The following DCLK2 variants were observed in gnomAD, a reference collection of about 807,000 sequenced individuals.
DCLK2 encodes serine/threonine-protein kinase DCLK2.
DCLK2 carries 31 observed loss-of-function variants against 78.4 expected under a neutral mutation model. The observed-to-expected ratio is 0.40, with a 90% CI of 0.30 to 0.53. DCLK2 has a LOEUF of 0.53. Among genes scored for constraint, DCLK2 ranks in the 20% least tolerant of loss-of-function variants. DCLK2 has a pLI of 0.61. For missense variants in DCLK2, 872 were observed against 973.7 expected (o/e 0.90, Z 1.39); for synonymous variants, 407 against 374.9 (o/e 1.09, Z -0.99).
chr4:150,185,670 C>T (rs1267781967), intron 2 of DCLK2, among the ~76,000 whole-genome samples: 1 of 149,890 alleles, frequency 6.7e-6, no homozygotes, highest in Non-Finnish European at 1.5e-5. Context: ...GCTGAGATAG[C>T]GTCATTGTAC....
chr4:150,187,725 G>T (rs1038312175), intron 2 of DCLK2, among the ~76,000 whole-genome samples: 16 of 152,164 alleles, frequency 1.1e-4, no homozygotes. Context: ...AATGGGTGGA[G>T]GCTGAAGTTG....
At chr4:150,133,921 GC>G (rs1733505903) in intron 2 of DCLK2, among the ~76,000 whole-genome samples, 1 of 152,100 alleles carries the variant, frequency 6.6e-6, no homozygotes. Context: ...AACTCATGTA[GC>G]CCCAAATATT....
At chr4:150,208,399 T>C (rs924344804) in intron 5 of DCLK2, among the ~76,000 whole-genome samples, 5 of 67,876 alleles carry the variant, frequency 7.4e-5, no homozygotes, top group East Asian at 2.9e-4. Flanking sequence ...TTTTTTTTTT[T>C]GTTTTTGTTT....
At chr4:150,254,643 C>CCAGGTAGTTGGA (rs1744432591) in intron 15 of DCLK2, among the ~76,000 whole-genome samples, 3 of 152,098 alleles carry the variant, frequency 2.0e-5, no homozygotes, top group African/African-American at 7.2e-5. Flanking sequence ...TACCCTTTCT[C>CCAGGTAGTTGGA]CAGGTAGTTG....
chr4:150,134,059 AT>A (rs1275065994), intron 2 of DCLK2, among the ~76,000 whole-genome samples: 1 of 137,398 alleles, frequency 7.3e-6, no homozygotes, highest in African/African-American at 2.8e-5. Context: ...CCTGCATGTC[AT>A]TTTTGCGTAT....
chr4:150,106,893 T>C (rs1238273548), intron 2 of DCLK2, among the ~76,000 whole-genome samples: 1 of 152,276 alleles, frequency 6.6e-6, no homozygotes, highest in South Asian at 2.1e-4. Flanking sequence ...TATGTCTGTT[T>C]ATAAAATCAC....
intron 12 of DCLK2, among the ~76,000 whole-genome samples, chr4:150,245,879 C>T (rs1348812088): frequency 6.6e-6 from 1 of 152,112 alleles, no homozygotes; most frequent in Non-Finnish European, 1.5e-5. Flanking sequence ...ACTAGAAATA[C>T]CATTTGACCC....
chr4:150,144,907 A>G (rs780406930), intron 2 of DCLK2, among the ~76,000 whole-genome samples: 9 of 152,298 alleles, frequency 5.9e-5, no homozygotes, highest in Non-Finnish European at 1.3e-4. Flanking sequence ...ATTCTGCGCA[A>G]TATGATGTTG....
chr4:150,203,995 A>T (rs1739652741), intron 5 of DCLK2, 106 bp downstream of exon 5: 2 of 1,078,518 alleles, frequency 1.9e-6, no homozygotes, highest in East Asian at 4.9e-5. Context: ...CAAATTAAAA[A>T]GATTTTAGGA....
chr4:150,130,693 T>C (rs1733252767), intron 2 of DCLK2, among the ~76,000 whole-genome samples: 1 of 151,932 alleles, frequency 6.6e-6, no homozygotes, highest in Admixed American at 6.6e-5. Context: ...GAACTGAGGC[T>C]AAAAGAGAAG....
Position 150,232,738 on chromosome 4 carries a change from C to G in DCLK2, c.1476C>G (p.Gly492=). The G allele has an allele frequency of 6.2e-7, 1 of 1,613,992 alleles. No individual in the cohort carries two copies. The highest frequency in any genetic ancestry group is 1.3e-5 in the African/African-American group (1 of 75,044). ...TSSTKYTERD[G]SAMVYNLANA... is the part of the protein sequence containing the mutation. ...CGACCAAGTACACTGAGAGAGATGG[C>G]AGTGCCATGGTGTACAACTTAGCCA... Residue 492 remains glycine, a synonymous_variant, in exon 10 of 16, where the codon GGC becomes GGG. Transcript: ENST00000296550.
intron 15 of DCLK2, among the ~76,000 whole-genome samples, chr4:150,250,307 A>T (rs946843480): frequency 6.6e-6 from 1 of 152,182 alleles, no homozygotes; most frequent in African/African-American, 2.4e-5. Flanking sequence ...TCTCCTAAAT[A>T]CATAAACACA....
rs1412611464 is a variant in DCLK2 at position 150,218,899 on chromosome 4, T to C, written c.1057-1804T>C. ...CAGAAAAATCATGTTCATATTTTTA[T>C]TCCTATTAAGAATTTGGCTGGCCAG... On this transcript the variant is annotated intron_variant, in intron 5 of 15. Coordinates refer to ENST00000296550, the MANE Select transcript of DCLK2 (RefSeq NM_001040260.4). 2.6e-5 allele frequency among the ~76,000 whole-genome samples: 4 copies of C among 152,180 alleles called. No individual in the cohort carries two copies. The East Asian group carries it at 7.7e-4, about 29-fold the overall frequency.
At position 150,240,386 on chromosome 4, in the gene DCLK2, T is replaced by A; in HGVS notation, c.1701-13T>A. 6.2e-7 allele frequency: 1 copy of A among 1,613,628 alleles called. No individual in the cohort carries two copies. The highest frequency in any genetic ancestry group is 1.1e-5 in the South Asian group (1 of 91,020). Reference sequence around the variant, plus strand: ...CATCAGTTCTCTCCCCCTCACCCACTTTGTTTTCCTAGCTATGGCCTGAAG... The same window carrying A: ...CATCAGTTCTCTCCCCCTCACCCACATTGTTTTCCTAGCTATGGCCTGAAG... On this transcript the variant is annotated splice_polypyrimidine_tract_variant and intron_variant, in intron 11 of 15. Coordinates refer to ENST00000296550, the MANE Select transcript of DCLK2 (RefSeq NM_001040260.4).
intron 2 of DCLK2, among the ~76,000 whole-genome samples, chr4:150,127,589 T>C (rs904153650): frequency 6.6e-6 from 1 of 152,152 alleles, no homozygotes; most frequent in Non-Finnish European, 1.5e-5. Context: ...CCTTGTTAGG[T>C]TCATGATTAG....
chr4:150,175,050 A>T (rs55788696), intron 2 of DCLK2, among the ~76,000 whole-genome samples: 1 of 32,756 alleles, frequency 3.1e-5, no homozygotes, highest in African/African-American at 9.2e-5. Flanking sequence ...ATATTTATAT[A>T]TTTATATATA....
Position 150,102,690 on chromosome 4 carries a change from G to A in DCLK2, c.634G>A (p.Val212Met), listed in dbSNP as rs759398144. The A allele has an allele frequency of 1.5e-5, 25 of 1,613,964 alleles. No homozygotes were observed. The highest frequency in any genetic ancestry group is 1.6e-4 in the Middle Eastern group (1 of 6,084). ...AAGTGGAGTGAAGCCTAGAAAAGCC[G>A]TGCGGATCCTTCTGAATAAAAAGAC... ...IRSGVKPRKA[V>M]RILLNKKTAH... Residue 212 changes from valine (V) to methionine (M), a missense_variant, in exon 2 of 16, where the codon GTG becomes ATG. This residue lies in a region of DCLK2 where 567 missense variants were observed against 593.4 expected (regional missense o/e 0.96). Coordinates refer to ENST00000296550, the MANE Select transcript of DCLK2 (RefSeq NM_001040260.4).
intron 2 of DCLK2, among the ~76,000 whole-genome samples, chr4:150,110,176 G>A (rs774443586): frequency 1.3e-5 from 2 of 152,056 alleles, no homozygotes; most frequent in African/African-American, 4.8e-5. Flanking sequence ...AGTGTAGGTG[G>A]GATAAAAATG....
intron 2 of DCLK2, among the ~76,000 whole-genome samples, chr4:150,123,346 A>G (rs1049161568): frequency 6.6e-6 from 1 of 152,116 alleles, no homozygotes; most frequent in East Asian, 1.9e-4. Flanking sequence ...ACATCTCAGG[A>G]AATAGGGAGG....
Sources: allele counts gnomAD v4.1 joint callset (sites outside exome capture counted in the v4.1 genomes callset), GRCh38; gene constraint gnomAD v4.1.1; regional missense constraint gnomAD v4.1.1; transcripts MANE v1.5; gene names NCBI Gene and HGNC (gene_info 2026-07-23, HGNC 2026-07-21).